The following SNX24 variants were observed in gnomAD, a reference collection of about 807,000 sequenced individuals.
SNX24 encodes the protein sorting nexin 24, also known as sorting nexin-24.
SNX24 carries 22 observed loss-of-function variants against 28.7 expected under a neutral mutation model. That is an observed-to-expected ratio of 0.77 (90% CI 0.55 to 1.10). The LOEUF (loss-of-function observed/expected upper bound fraction) is 1.10, where lower values mean the gene tolerates loss of function less well. Among genes scored for constraint, SNX24 ranks in the 50% least tolerant of loss-of-function variants. The pLI, the probability that SNX24 is intolerant of heterozygous loss-of-function variation, is 0.00. For synonymous variants in SNX24, 69 were observed against 71.5 expected (o/e 0.96, Z 0.18); for missense variants, 221 against 201.1 (o/e 1.10, Z -0.60).
At chr5:122,919,678 A>G (rs1758334153) in intron 1 of SNX24, among the ~76,000 whole-genome samples, 1 of 152,182 alleles carries the variant, frequency 6.6e-6, no homozygotes, top group Admixed American at 6.5e-5. Context: ...ATATAATGAT[A>G]TTAATTGAAA....
chr5:122,855,891 G>A (rs1755167530), intron 1 of SNX24, among the ~76,000 whole-genome samples: 1 of 152,180 alleles, frequency 6.6e-6, no homozygotes, highest in Non-Finnish European at 1.5e-5. Context: ...TAAGGAGAGG[G>A]AGAGAGACAG....
chr5:122,954,061 C>T (rs185601935), intron 3 of SNX24, among the ~76,000 whole-genome samples: 1 of 152,158 alleles, frequency 6.6e-6, no homozygotes, highest in Admixed American at 6.5e-5. Context: ...ACCGTTGGGT[C>T]AGTAGTCCAC....
At chr5:122,990,577 G>A (rs963454145) in intron 3 of SNX24, among the ~76,000 whole-genome samples, 8 of 152,158 alleles carry the variant, frequency 5.3e-5, no homozygotes, top group Admixed American at 2.6e-4. Flanking sequence ...TTAAAGCACC[G>A]TAAACACTTT....
chr5:122,903,043 C>T (rs1757505989), intron 1 of SNX24, among the ~76,000 whole-genome samples: 1 of 152,186 alleles, frequency 6.6e-6, no homozygotes, highest in African/African-American at 2.4e-5. Context: ...CAGAAACATG[C>T]ATTTCTGTGA....
chr5:122,929,698 T>A (rs1039308788), intron 1 of SNX24, among the ~76,000 whole-genome samples: 2 of 152,102 alleles, frequency 1.3e-5, no homozygotes, highest in Non-Finnish European at 2.9e-5. Context: ...TAAAACCTTA[T>A]AAATTATAAT....
intron 3 of SNX24, among the ~76,000 whole-genome samples, chr5:122,997,232 C>T (rs1762079843): frequency 6.6e-6 from 1 of 152,218 alleles, no homozygotes; most frequent in African/African-American, 2.4e-5. Context: ...TTCCTGCCCA[C>T]ATAACTAAAT....
At chr5:122,938,661 C>CTAAGA (rs1219326928) in intron 2 of SNX24, among the ~76,000 whole-genome samples, 22 of 19,884 alleles carry the variant, frequency 1.1e-3, no homozygotes, top group South Asian at 2.7e-3. Context: ...GCAATGAAGG[C>CTAAGA]CGGGCGCGGT....
intron 1 of SNX24, among the ~76,000 whole-genome samples, chr5:122,923,011 C>G (rs563570487): frequency 6.6e-6 from 1 of 152,040 alleles, no homozygotes; most frequent in East Asian, 1.9e-4. Flanking sequence ...AATACCTGAT[C>G]TATCTATCTA....
downstream of SNX24, among the ~76,000 whole-genome samples, chr5:123,011,340 C>G (rs1467521061): frequency 6.6e-6 from 1 of 152,216 alleles, no homozygotes; most frequent in African/African-American, 2.4e-5. Context: ...GGCCTCATCT[C>G]TGCCTACTCA....
intron 5 of SNX24, chr5:123,028,633 A>G (rs1172270615): frequency 1.6e-6 from 1 of 626,420 alleles, no homozygotes; most frequent in East Asian, 2.9e-5. Flanking sequence ...TGAGTCCCCA[A>G]AACTCCATCC....
chr5:122,857,259 G>C (rs910428666), intron 1 of SNX24, among the ~76,000 whole-genome samples: 1 of 151,764 alleles, frequency 6.6e-6, no homozygotes, highest in African/African-American at 2.4e-5. Context: ...TGATCTGCCT[G>C]CCTCAGCCTC....
chr5:123,014,822 G>A (rs761908914), intron 5 of SNX24, among the ~76,000 whole-genome samples: 48 of 152,116 alleles, frequency 3.2e-4, no homozygotes, highest in Non-Finnish European at 5.6e-4. Context: ...GGCAACAGTG[G>A]CCTTTCAGTT....
intron 5 of SNX24, chr5:123,028,659 A>T: frequency 1.3e-6 from 1 of 752,408 alleles, no homozygotes; most frequent in Non-Finnish European, 2.1e-6. Context: ...AAAGAGGTAC[A>T]GTCGTCTTTA....
At chr5:122,936,907 G>T in intron 2 of SNX24, 90 bp downstream of exon 2, 2 of 669,082 alleles carry the variant, frequency 3.0e-6, no homozygotes, top group South Asian at 5.2e-5. Context: ...TAAGACCATT[G>T]ATATTTCTTG....
chr5:122,890,972 G>C, intron 1 of SNX24: 1 of 1,362,680 alleles, frequency 7.3e-7, no homozygotes, highest in Non-Finnish European at 9.5e-7. Context: ...AATTTAAATA[G>C]TATATAAGAG....
At chr5:122,913,937 G>A (rs572438513) in intron 1 of SNX24, among the ~76,000 whole-genome samples, 10 of 152,296 alleles carry the variant, frequency 6.6e-5, no homozygotes, top group Middle Eastern at 3.4e-3. Flanking sequence ...GGGAAACCCC[G>A]TCTCCACCAA....
chr5:122,996,762 T>G (rs1178497859), intron 3 of SNX24, among the ~76,000 whole-genome samples: 1 of 152,188 alleles, frequency 6.6e-6, no homozygotes, highest in Non-Finnish European at 1.5e-5. Context: ...CTCTAAAGAA[T>G]GAAAGCGATT....
rs1433135771 is a variant in SNX24 at position 122,924,023 on chromosome 5, C to G, written c.61-12711C>G. ...TCATGGTGTGTTGAAGAAATGATGG[C>G]TATTAATTGCTTTGGATTCCATTTT... On this transcript the variant is annotated intron_variant, in intron 1 of 6. Coordinates refer to ENST00000261369, the MANE Select transcript of SNX24 (RefSeq NM_014035.4). Among the ~76,000 whole-genome samples the G allele has an allele frequency of 2.0e-5, 3 of 152,118 alleles. No homozygotes were observed. In the East Asian group the frequency reaches 5.8e-4, roughly 29 times the overall value.
chr5:122,978,463 C>T (rs1274815257), intron 3 of SNX24, among the ~76,000 whole-genome samples: 1 of 152,102 alleles, frequency 6.6e-6, no homozygotes, highest in Non-Finnish European at 1.5e-5. Flanking sequence ...AGAAAGATAC[C>T]TAATTTATCT....
Sources: gnomAD v4.1 joint callset for allele counts (sites outside exome capture counted in the v4.1 genomes callset) on GRCh38, gnomAD v4.1.1 for gene constraint, MANE v1.5 for transcripts, NCBI Gene and HGNC (gene_info 2026-07-23, HGNC 2026-07-21) for gene names.